Variants in MRPL28 observed in about 807,000 individuals in gnomAD.
MRPL28 encodes the protein mitochondrial ribosomal protein L28.
In MRPL28, 25 loss-of-function variants were observed where a neutral mutation model predicts 26.2. The observed-to-expected ratio is 0.95, with a 90% CI of 0.69 to 1.33. The LOEUF is 1.33. Ranked by LOEUF, MRPL28 falls within the 40% of genes most tolerant of loss-of-function variation. The probability of loss-of-function intolerance (pLI) is 0.00; values close to 1 mark genes in which losing one functional copy is unlikely to be tolerated. For synonymous variants in MRPL28, 227 were observed against 140.1 expected, an observed-to-expected ratio of 1.62 and a Z score of -4.38; for missense variants, 432 against 327.2, an observed-to-expected ratio of 1.32 and a Z score of -2.47.
rs7204319 is a variant in MRPL28 at position 367,551 on chromosome 16, C to T, written c.*124G>A. On this transcript the variant is annotated 3_prime_UTR_variant, in exon 6 of 6. Transcript: ENST00000199706. ...GGCTGGAAGGTGCATGGGCAGCACA[C>T]GAAACCAGGATCCACCCACTGCCCA... 4,529 of 902,244 alleles carry T rather than the reference C, an allele frequency of 5.0e-3. 139 individuals are homozygous for T. In the African/African-American group the frequency reaches 0.066, roughly 13 times the overall value. The allele number at this position is 902,244 out of a possible 1,614,324, so 55.9% of individuals were successfully genotyped here.
At chr16:369,876 G>A (rs887440232) in intron 2 of MRPL28, 55 bp downstream of exon 2, 9 of 1,563,594 alleles carry the variant, frequency 5.8e-6, no homozygotes, top group Non-Finnish European at 7.8e-6. Context: ...GTCCGGCACA[G>A]AGCCGGCACA....
chr16:367,622 G>T lies in MRPL28; in HGVS notation c.*53C>A. The stretch of plus-strand genomic sequence containing the variant: ...CCGGGATCTGTGTCCTCAGTGCAAA[G>T]GGCCTGGCAGGGAAAGCTGGGCCTG... On this transcript the variant is annotated 3_prime_UTR_variant, in exon 6 of 6. Coordinates refer to ENST00000199706, the MANE Select transcript of MRPL28 (RefSeq NM_006428.5). The T allele has an allele frequency of 6.6e-7, 1 of 1,513,924 alleles. No individual in the cohort carries two copies. Among genetic ancestry groups the T allele is most frequent in the Non-Finnish European group, 9.2e-7 (1 of 1,092,314 alleles). The allele number at this position is 1,513,924 out of a possible 1,614,324, so 93.8% of individuals were successfully genotyped here. A position where few individuals can be genotyped will look rare whatever the true frequency, so the allele number is the denominator to read the frequency against.
chr16:368,519 G>C lies in MRPL28; in HGVS notation c.558C>G (p.Ala186=). Residue 186 remains alanine (A), a synonymous_variant, in exon 4 of 6, where the codon GCC becomes GCG. Transcript: ENST00000199706. ...CCCTCACCTTGTACTTGTCGTAGAT[G>C]GCTGCCCGCCGCTCGGGGTCCTCGG... is the stretch of plus-strand genomic sequence containing the variant. ...LHPEDPERRA[A]IYDKYKEFAI... is the part of the protein sequence containing the mutation. 2 of 1,595,852 alleles carry C rather than the reference G, an allele frequency of 1.3e-6. No homozygotes were observed. Among genetic ancestry groups the C allele is most frequent in the Non-Finnish European group, 1.7e-6 (2 of 1,168,350 alleles).
chr16:367,997 G>A (rs766828757), intron 5 of MRPL28, among the ~76,000 whole-genome samples: 15 of 152,226 alleles, frequency 9.9e-5, no homozygotes, highest in Admixed American at 1.3e-4. Flanking sequence ...GATAAACAGA[G>A]GGAATAGGGG....
rs766741642 is a variant in MRPL28 at position 367,730 on chromosome 16, T to C, written c.716A>G (p.Gln239Arg). ...IYVAELIQQL[Q>R]QQALSEPAVV... ...CGCCGGCTCTGACAGTGCCTGCTGC[T>C]GCAGCTGCTGGATCAGCTCCGCCAC... is the stretch of plus-strand genomic sequence containing the variant. The change falls in exon 6 of 6, where the codon CAG (glutamine) becomes CGG (arginine). Residue 239 changes from glutamine to arginine, a missense_variant. Transcript: ENST00000199706. The C allele has an allele frequency of 1.2e-6, 2 of 1,613,880 alleles. No individual in the cohort carries two copies. Among genetic ancestry groups the C allele is most frequent in the Admixed American group, 1.7e-5 (1 of 60,022 alleles).
Position 368,359 on chromosome 16 carries a change from GCCT to G in MRPL28, c.629_631del (p.Glu210del), listed in dbSNP as rs762148892. On this transcript the variant is annotated inframe_deletion, in exon 5 of 6. Transcript: ENST00000199706. ...CTCCAAAAGTCTCTGCTTCTCAATG[GCCT>G]CCTCCAGCGTGAGGCCCACCCACTC... 3.7e-5 allele frequency: 60 copies of G among 1,613,592 alleles called. No individual in the cohort carries two copies. Among genetic ancestry groups the G allele is most frequent in the Non-Finnish European group, 4.8e-5 (57 of 1,179,996 alleles).
In MRPL28 at chr16:369,246, A is replaced by G. The variant is rs767168186; in HGVS notation, c.289-26T>C. 7 of 1,608,846 alleles carry G rather than the reference A, an allele frequency of 4.4e-6. No individual in the cohort carries two copies. In the East Asian group the frequency reaches 6.7e-5, roughly 15 times the overall value. On this transcript the variant is annotated intron_variant, in intron 2 of 5. Coordinates refer to ENST00000199706, the MANE Select transcript of MRPL28 (RefSeq NM_006428.5). The stretch of plus-strand genomic sequence containing the variant: ...CTGAGGGTGCAACAGAGCCTCCATG[A>G]GTACTGCTGCTTTCTCTTACATACC...
At position 368,309 on chromosome 16, in the gene MRPL28, C is replaced by A; in HGVS notation, c.663+19G>T. On this transcript the variant is annotated intron_variant, in intron 5 of 5. Transcript: ENST00000199706. ...CCAGGCTCTGGGCAGGCAGCATCGG[C>A]TGGTGCTCACACACTCACCTTCTCC... 6.2e-7 allele frequency: 1 copy of A among 1,612,600 alleles called. No homozygotes were observed. Among genetic ancestry groups the A allele is most frequent in the South Asian group, 1.1e-5 (1 of 91,070 alleles).
rs1045646638 is a variant in MRPL28, at chr16:367,401, G to T, written c.*274C>A. ...AGCAAAGATACACACACACAGCCTG[G>T]CCCAGACTTTACTCGCTCCCGGCCC... On this transcript the variant is annotated 3_prime_UTR_variant, in exon 6 of 6. Transcript: ENST00000199706. The T allele has an allele frequency of 1.4e-6, 1 of 706,954 alleles. No homozygotes were observed. The highest frequency in any genetic ancestry group is 2.6e-6 in the Non-Finnish European group (1 of 377,620). 43.8% of individuals were successfully genotyped at this position (706,954 alleles called of 1,614,324 possible). A position where few individuals can be genotyped will look rare whatever the true frequency, so the allele number is the denominator to read the frequency against.
rs750774991 is a variant in MRPL28, at chr16:368,323, C to T, written c.663+5G>A. ...GGCAGCATCGGCTGGTGCTCACACACTCACCTTCTCCTCCAAAAGTCTCTG... is the reference window on the plus strand; with the variant it reads ...GGCAGCATCGGCTGGTGCTCACACATTCACCTTCTCCTCCAAAAGTCTCTG... On this transcript the variant is annotated splice_donor_5th_base_variant and intron_variant, in intron 5 of 5. Transcript: ENST00000199706. 3.1e-6 allele frequency: 5 copies of T among 1,613,120 alleles called. No individual in the cohort carries two copies. In the East Asian group the frequency reaches 8.9e-5, roughly 29 times the overall value.
At chr16:368,760 G>A (rs2054285666) in intron 3 of MRPL28, 125 bp from the exon 4 acceptor site, 1 of 1,416,930 alleles carries the variant, frequency 7.1e-7, no homozygotes, top group African/African-American at 1.4e-5. Flanking sequence ...GCCCGGGTGG[G>A]GCCGCCTCAG....
chr16:369,404 T>C, intron 2 of MRPL28, 184 bp from the exon 3 acceptor site: 1 of 707,912 alleles, frequency 1.4e-6, no homozygotes, highest in Non-Finnish European at 2.3e-6. Flanking sequence ...ACCCGGGTCC[T>C]GACTGTGTAC....
At chr16:367,831 T>C (rs1489238678) in intron 5 of MRPL28, 49 bp from the exon 6 acceptor site, 2 of 1,530,942 alleles carry the variant, frequency 1.3e-6, no homozygotes, top group Non-Finnish European at 1.8e-6. Flanking sequence ...CCAGGGCAGC[T>C]GGAGTTCCGA....
Position 367,025 on chromosome 16 carries a change from T to C in MRPL28, c.*650A>G, listed in dbSNP as rs936223307. Among the ~76,000 whole-genome samples, 3 of 151,992 alleles carry C rather than the reference T, an allele frequency of 2.0e-5. No homozygotes were observed. Among genetic ancestry groups the C allele is most frequent in the Non-Finnish European group, 4.4e-5 (3 of 67,992 alleles). ...GAGTTCAAGCCCAGCCTGGCCAACA[T>C]GGTGAAACCCCTTCTCTACTAAAAT... is the stretch of plus-strand genomic sequence containing the variant. On this transcript the variant is annotated 3_prime_UTR_variant, in exon 6 of 6. Coordinates refer to ENST00000199706, the MANE Select transcript of MRPL28 (RefSeq NM_006428.5).
At position 370,142 on chromosome 16, in the gene MRPL28, C is replaced by G. The variant is rs759934099; in HGVS notation, c.77G>C (p.Gly26Ala). 1 of 1,604,620 alleles carries G rather than the reference C, an allele frequency of 6.2e-7. No individual in the cohort carries two copies. Among genetic ancestry groups the G allele is most frequent in the South Asian group, 1.1e-5 (1 of 90,284 alleles). Residue 26 changes from glycine to alanine, a missense_variant, in exon 2 of 6, where the codon GGC becomes GCC. By Grantham distance (60) the Gly-to-Ala change is moderately conservative. Coordinates refer to ENST00000199706, the MANE Select transcript of MRPL28 (RefSeq NM_006428.5). ...CTCCTCCAGGGAGCGCAGGTAGTGGCCGGGCAGGCGGGAACAGATGCCCTC... is the reference window on the plus strand; with the variant it reads ...CTCCTCCAGGGAGCGCAGGTAGTGGGCGGGCAGGCGGGAACAGATGCCCTC... Reference protein sequence around the residue: ...LREGICSRLPGHYLRSLEEER... With the variant: ...LREGICSRLPAHYLRSLEEER...
chr16:369,659 C>A (rs1443384501), intron 2 of MRPL28: 2 of 721,466 alleles, frequency 2.8e-6, no homozygotes, highest in South Asian at 3.0e-5. Flanking sequence ...GCTCATCACA[C>A]AGGCCTCCTC....
chr16:367,648 T>C lies in MRPL28; in HGVS notation c.*27A>G. On this transcript the variant is annotated 3_prime_UTR_variant, in exon 6 of 6. Coordinates refer to ENST00000199706, the MANE Select transcript of MRPL28 (RefSeq NM_006428.5). ...GGCCTGGCAGGGAAAGCTGGGCCTG[T>C]TGGTCAGGCATGGAGGAGCTGTGTG... The C allele has an allele frequency of 6.3e-7, 1 of 1,586,402 alleles. No homozygotes were observed. Among genetic ancestry groups the C allele is most frequent in the South Asian group, 1.1e-5 (1 of 90,360 alleles).
chr16:369,367 CCCCCAGCCCAGTGCCG>C, intron 2 of MRPL28, 147 bp from the exon 3 acceptor site: 2 of 1,067,472 alleles, frequency 1.9e-6, no homozygotes, highest in South Asian at 1.5e-5. Context: ...ACTGGGCCGG[CCCCCAGCCCAGTGCCG>C]CCCCAGCCCG....
chr16:368,808 G>C, intron 3 of MRPL28, 173 bp from the exon 4 acceptor site: 2 of 1,140,160 alleles, frequency 1.8e-6, no homozygotes, highest in Non-Finnish European at 2.4e-6. Context: ...ACAGAAGCAA[G>C]TCCAAGTGCA....
Sources: allele counts gnomAD v4.1 joint callset (sites outside exome capture counted in the v4.1 genomes callset), GRCh38; gene constraint gnomAD v4.1.1; transcripts MANE v1.5; gene names NCBI Gene and HGNC (gene_info 2026-07-23, HGNC 2026-07-21).